Variants in KCP observed in about 807,000 individuals in gnomAD.
KCP encodes kielin cysteine rich BMP regulator.
In KCP, 194 loss-of-function variants were observed where a neutral mutation model predicts 212.7. The ratio of observed to expected loss-of-function variants is 0.91; its 90% confidence interval spans 0.81 to 1.03. KCP has a LOEUF of 1.03. Among genes scored for constraint, KCP ranks in the 50% least tolerant of loss-of-function variants. KCP has a pLI of 0.00. For synonymous variants in KCP, 833 were observed against 865.3 expected, an observed-to-expected ratio of 0.96 and a Z score of 0.65; for missense variants, 2,080 against 2,162.5, an observed-to-expected ratio of 0.96 and a Z score of 0.76.
At position 128,891,349 on chromosome 7, in the gene KCP, G is replaced by A; in HGVS notation, c.1879-71C>T. The A allele has an allele frequency of 1.9e-6, 3 of 1,546,884 alleles. No individual in the cohort carries two copies. In the South Asian group the frequency reaches 3.6e-5, roughly 18 times the overall value. On this transcript the variant is annotated intron_variant, in intron 18 of 39. Coordinates refer to ENST00000610776, the MANE Select transcript of KCP (RefSeq NM_001366122.1). ...AGGCCGAGGAGACCCCTCCCACCCA[G>A]TGCCACCAGGTCCCACCCCTCCCAC...
chr7:128,892,900 T>C lies in KCP; in HGVS notation c.1389A>G (p.Pro463=). ...VPKCGAVLCP[P]APCQHPTQPP... ...GCTGGGTGGGGTGCTGGCAGGGGGC[T>C]GGGGGGCAGAGCACAGCCCCGCACT... is the stretch of plus-strand genomic sequence containing the variant. Residue 463 remains proline, a synonymous_variant, in exon 14 of 40, where the codon CCA becomes CCG. Coordinates refer to ENST00000610776, the MANE Select transcript of KCP (RefSeq NM_001366122.1). 1.3e-6 allele frequency: 2 copies of C among 1,543,108 alleles called. No individual in the cohort carries two copies. Among genetic ancestry groups the C allele is most frequent in the Non-Finnish European group, 1.8e-6 (2 of 1,140,210 alleles).
chr7:128,906,996 C>A, intron 4 of KCP, 105 bp downstream of exon 4: 2 of 1,113,414 alleles, frequency 1.8e-6, no homozygotes. Flanking sequence ...GTGGGAGTGG[C>A]AGGCAGAGCC....
At chr7:128,902,961 TCTCCC>T in intron 7 of KCP, 102 bp from the exon 8 acceptor site, 1 of 861,402 alleles carries the variant, frequency 1.2e-6, no homozygotes. Context: ...CTGAGGGCTC[TCTCCC>T]GAGCCAAGAC....
chr7:128,907,945 G>A (rs1023591989), intron 2 of KCP, among the ~76,000 whole-genome samples: 4 of 151,846 alleles, frequency 2.6e-5, no homozygotes, highest in Admixed American at 6.6e-5. Flanking sequence ...CCTGGCCAAC[G>A]TGGTGAAATC....
intron 37 of KCP, chr7:128,878,987 G>T: frequency 2.0e-6 from 1 of 488,322 alleles, no homozygotes; most frequent in Non-Finnish European, 3.6e-6. Flanking sequence ...TGCCATCCCT[G>T]CACTGGGCCC....
rs1316926803 is a variant in KCP, at chr7:128,890,906, G to A, written c.2163C>T (p.Asp721=). 5 of 1,245,238 alleles carry A rather than the reference G, an allele frequency of 4.0e-6. No individual in the cohort carries two copies. Among genetic ancestry groups the A allele is most frequent in the Non-Finnish European group, 5.0e-6 (5 of 999,488 alleles). 77.1% of individuals were successfully genotyped at this position (1,245,238 alleles called of 1,614,324 possible). Residue 721 remains aspartate (D), a splice_region_variant and synonymous_variant, in exon 20 of 40, where the codon GAC becomes GAT. Transcript: ENST00000610776. The part of the protein sequence containing the change: ...PRQGPCCPSC[D]GCLYQGKEFA... Reference sequence around the variant, plus strand: ...GGAGGGGCACCGCCAGGGCGTTACCGTCGCAGGAGGGGCAGCAAGGCCCCT... The same window carrying A: ...GGAGGGGCACCGCCAGGGCGTTACCATCGCAGGAGGGGCAGCAAGGCCCCT...
rs569498705 is a variant in KCP at position 128,910,586 on chromosome 7, C to A, written c.76+15G>T. 1 of 1,511,022 alleles carries A rather than the reference C, an allele frequency of 6.6e-7. No homozygotes were observed. Among genetic ancestry groups the A allele is most frequent in the Non-Finnish European group, 8.8e-7 (1 of 1,136,842 alleles). 93.6% of individuals were successfully genotyped at this position (1,511,022 alleles called of 1,614,324 possible). A position where few individuals can be genotyped will look rare whatever the true frequency, so the allele number is the denominator to read the frequency against. The stretch of plus-strand genomic sequence containing the variant: ...GCACCTGGCCGGACCCCAAGCCTCC[C>A]GCACCTGGACTCACCTTCCGCGCCC... On this transcript the variant is annotated intron_variant, in intron 1 of 39. Transcript: ENST00000610776.
chr7:128,904,757 G>T (rs989088895), intron 5 of KCP, among the ~76,000 whole-genome samples: 3 of 152,236 alleles, frequency 2.0e-5, no homozygotes, highest in African/African-American at 7.2e-5. Context: ...AAAGGACTGG[G>T]TGCCACATTA....
intron 23 of KCP, 32 bp downstream of exon 23, chr7:128,887,183 A>T (rs1489624315): frequency 6.5e-7 from 1 of 1,536,266 alleles, no homozygotes; most frequent in Admixed American, 2.0e-5. Flanking sequence ...AAGGGAGGAA[A>T]GGTTACCAAG....
At chr7:128,905,637 A>G (rs1460814376) in intron 5 of KCP, among the ~76,000 whole-genome samples, 3 of 152,118 alleles carry the variant, frequency 2.0e-5, no homozygotes, top group Admixed American at 6.5e-5. Flanking sequence ...ATATTCCTCA[A>G]GCGCCCCCTT....
intron 30 of KCP, 70 bp downstream of exon 30, chr7:128,881,867 G>A: frequency 6.9e-7 from 1 of 1,458,036 alleles, no homozygotes; most frequent in Non-Finnish European, 9.4e-7. Context: ...TGCGGGAGAG[G>A]AGTGGCAGCC....
At chr7:128,903,516 C>A (rs1034046693) in intron 7 of KCP, among the ~76,000 whole-genome samples, 1 of 152,222 alleles carries the variant, frequency 6.6e-6, no homozygotes, top group African/African-American at 2.4e-5. Context: ...CACTATGAGG[C>A]ATGGAATATC....
intron 7 of KCP, chr7:128,903,085 A>G (rs2128949963): frequency 1.7e-6 from 1 of 581,770 alleles, no homozygotes; most frequent in Non-Finnish European, 3.1e-6. Flanking sequence ...TGGACAGAGC[A>G]TAGCCACACC....
At position 128,893,239 on chromosome 7, in the gene KCP, T is replaced by C. The variant is rs1434806468; in HGVS notation, c.1266A>G (p.Pro422=). ...TGCTCCTCCCCCTCTCACACACACC[T>C]GGGCAGAGCTGGCGGCCAGAGGCAG... ...ALPASGRQLC[P]ACELDGEEFA... Residue 422 remains proline, a splice_region_variant and synonymous_variant, in exon 13 of 40, where the codon CCA becomes CCG. Transcript: ENST00000610776. The C allele has an allele frequency of 2.6e-6, 4 of 1,550,978 alleles. No homozygotes were observed. The highest frequency in any genetic ancestry group is 3.5e-6 in the Non-Finnish European group (4 of 1,146,864).
chr7:128,893,740 C>T (rs887749387), intron 11 of KCP, 66 bp downstream of exon 11: 73 of 1,490,376 alleles, frequency 4.9e-5, no homozygotes, highest in Non-Finnish European at 6.6e-5. Context: ...AAGCAAATCC[C>T]CCACACCTAC....
intron 22 of KCP, among the ~76,000 whole-genome samples, chr7:128,887,593 AC>A (rs1793742853): frequency 7.4e-6 from 1 of 136,018 alleles, no homozygotes; most frequent in Admixed American, 7.0e-5. Flanking sequence ...CCACACATAC[AC>A]ACACAGCCAC....
intron 4 of KCP, among the ~76,000 whole-genome samples, chr7:128,906,814 T>C (rs1297384499): frequency 2.0e-5 from 3 of 150,936 alleles, no homozygotes; most frequent in Non-Finnish European, 4.4e-5. Flanking sequence ...GTTTTTGCCA[T>C]TAAAAGTCAT....
chr7:128,887,787 G>A (rs866856088), intron 22 of KCP, among the ~76,000 whole-genome samples: 211 of 88,150 alleles, frequency 2.4e-3, no homozygotes, highest in South Asian at 5.4e-3. Flanking sequence ...ACACATACAC[G>A]CACCCACATA....
chr7:128,879,548 TCA>T lies in KCP; in HGVS notation c.4118_4119del (p.Val1373AspfsTer49), dbSNP rs770008483. On this transcript the variant is annotated frameshift_variant, in exon 37 of 40. Coordinates refer to ENST00000610776, the MANE Select transcript of KCP (RefSeq NM_001366122.1). LOFTEE classifies it high-confidence loss of function. Reference protein sequence around the residue: ...LLYVELRGHTVILHAQPGLQV... With the variant: ...LLYVELRGHTXILHAQPGLQV... Reference sequence around the variant, plus strand: ...TGGAGCCCGGGCTGGGCGTGCAGGATCACAGTGTGTCCTCGCAGCTCCACATA... The same window carrying T: ...TGGAGCCCGGGCTGGGCGTGCAGGATCAGTGTGTCCTCGCAGCTCCACATA... 6 of 1,550,052 alleles carry T rather than the reference TCA, an allele frequency of 3.9e-6. No individual in the cohort carries two copies. The highest frequency in any genetic ancestry group is 1.4e-5 in the African/African-American group (1 of 73,052).
Sources: gnomAD v4.1 joint callset for allele counts (sites outside exome capture counted in the v4.1 genomes callset) on GRCh38, gnomAD v4.1.1 for gene constraint, MANE v1.5 for transcripts, NCBI Gene and HGNC (gene_info 2026-07-23, HGNC 2026-07-21) for gene names.